ARFGEF1: variants seen among roughly 807,000 people sequenced by gnomAD.
The protein encoded by ARFGEF1 is brefeldin A-inhibited guanine nucleotide-exchange protein 1.
Under a neutral mutation model 231.0 loss-of-function variants are expected in ARFGEF1, and 42 were observed. The observed-to-expected ratio is 0.18, with a 90% CI of 0.14 to 0.24. The LOEUF (loss-of-function observed/expected upper bound fraction) is 0.24, where lower values mean the gene tolerates loss of function less well. Among genes scored for constraint, ARFGEF1 ranks in the 10% least tolerant of loss-of-function variants. The pLI is 1.00. For synonymous variants in ARFGEF1, 710 were observed against 732.3 expected, an observed-to-expected ratio of 0.97 and a Z score of 0.49; for missense variants, 1,345 against 2,192.0, an observed-to-expected ratio of 0.61 and a Z score of 7.72.
chr8:67,323,270 A>G (rs1807680270), intron 1 of ARFGEF1, among the ~76,000 whole-genome samples: 2 of 152,170 alleles, frequency 1.3e-5, no homozygotes, highest in Non-Finnish European at 2.9e-5. Flanking sequence ...CAACAACAAA[A>G]AAGCAATAAA....
intron 19 of ARFGEF1, among the ~76,000 whole-genome samples, chr8:67,246,070 G>A (rs760818396): frequency 1.0e-4 from 15 of 150,086 alleles, no homozygotes; most frequent in Non-Finnish European, 1.8e-4. Context: ...GTGTGTGTGT[G>A]TATATATATA....
At chr8:67,285,042 G>C (rs1235207967) in intron 7 of ARFGEF1, among the ~76,000 whole-genome samples, 1 of 128,612 alleles carries the variant, frequency 7.8e-6, no homozygotes, top group African/African-American at 2.9e-5. Flanking sequence ...GATGATACAG[G>C]ATTATAACAC....
At position 67,270,176 on chromosome 8, in the gene ARFGEF1, CTAGT is replaced by C. The variant is rs1366232268; in HGVS notation, c.1572+1522_1572+1525del. ...AACTATCTAAAAACGGCAACTCTTC[CTAGT>C]TAAACGCCTTGTATTATCTTAACAG... On this transcript the variant is annotated intron_variant, in intron 10 of 38. Transcript: ENST00000262215. Among the ~76,000 whole-genome samples the C allele has an allele frequency of 3.9e-5, 6 of 152,276 alleles. No individual in the cohort carries two copies. The East Asian group carries it at 1.2e-3, about 29-fold the overall frequency.
At chr8:67,182,317 CTT>C (rs112406408) in intron 5 of ARFGEF1, among the ~76,000 whole-genome samples, 23 of 146,218 alleles carry the variant, frequency 1.6e-4, no homozygotes, top group Admixed American at 9.5e-4. Context: ...CAGATTTCCC[CTT>C]TTTTTTTTTA....
At chr8:67,274,993 T>C (rs1176260229) in intron 9 of ARFGEF1, among the ~76,000 whole-genome samples, 1 of 152,142 alleles carries the variant, frequency 6.6e-6, no homozygotes, top group Non-Finnish European at 1.5e-5. Context: ...CTCCCTGAAC[T>C]GGTACAATCT....
intron 1 of ARFGEF1, among the ~76,000 whole-genome samples, chr8:67,336,142 A>T (rs1428635890): frequency 6.6e-6 from 1 of 152,260 alleles, no homozygotes; most frequent in Non-Finnish European, 1.5e-5. Flanking sequence ...TAAGCAAAAC[A>T]AAATATCAAA....
intron 2 of ARFGEF1, 47 bp from the exon 3 acceptor site, chr8:67,301,427 A>G (rs1352837078): frequency 6.5e-7 from 1 of 1,541,156 alleles, no homozygotes; most frequent in Non-Finnish European, 8.8e-7. Flanking sequence ...CATTTATAAT[A>G]TTGATAATAA....
chr8:67,286,262 G>A (rs1263718773), intron 7 of ARFGEF1, among the ~76,000 whole-genome samples: 3 of 152,150 alleles, frequency 2.0e-5, no homozygotes, highest in South Asian at 2.1e-4. Context: ...TAGCAAAATC[G>A]TTAACCACTA....
chr8:67,190,855 T>G, intron 5 of ARFGEF1: 1 of 844,022 alleles, frequency 1.2e-6, no homozygotes, highest in Non-Finnish European at 2.0e-6. Flanking sequence ...TAAAGAGCAC[T>G]TGCTTGAAAT....
intron 1 of ARFGEF1, among the ~76,000 whole-genome samples, chr8:67,311,515 G>T (rs1310950979): frequency 6.9e-6 from 1 of 144,972 alleles, no homozygotes; most frequent in Non-Finnish European, 1.5e-5. Context: ...AGGGAGGTGG[G>T]GGGGGGTCAG....
At chr8:67,316,603 G>A (rs946281656) in intron 1 of ARFGEF1, among the ~76,000 whole-genome samples, 2 of 152,070 alleles carry the variant, frequency 1.3e-5, no homozygotes, top group Admixed American at 1.3e-4. Context: ...TAGGACACAG[G>A]TATGTGCCAC....
At chr8:67,304,009 G>T (rs368214137) in intron 1 of ARFGEF1, among the ~76,000 whole-genome samples, 6 of 152,132 alleles carry the variant, frequency 3.9e-5, no homozygotes, top group African/African-American at 9.7e-5. Context: ...TGGCTAATCA[G>T]GTTTCAATAT....
chr8:67,309,176 C>T (rs996190881), intron 1 of ARFGEF1, among the ~76,000 whole-genome samples: 4 of 152,120 alleles, frequency 2.6e-5, no homozygotes, highest in Non-Finnish European at 4.4e-5. Flanking sequence ...CACAGAAAGA[C>T]ACATGATTTT....
At chr8:67,263,840 G>GT (rs1443354546) in intron 14 of ARFGEF1, among the ~76,000 whole-genome samples, 3 of 152,146 alleles carry the variant, frequency 2.0e-5, no homozygotes, top group African/African-American at 7.2e-5. Flanking sequence ...CACAGTAGAA[G>GT]TAACTAACTT....
At chr8:67,343,102 C>CGGGG in intron 1 of ARFGEF1, 62 bp downstream of exon 1, 1 of 560,606 alleles carries the variant, frequency 1.8e-6, no homozygotes, top group Non-Finnish European at 2.7e-6. Flanking sequence ...CACCCCCCCA[C>CGGGG]AGGCGCCCCC....
At chr8:67,249,388 G>C (rs1840203976) in intron 19 of ARFGEF1, among the ~76,000 whole-genome samples, 1 of 150,166 alleles carries the variant, frequency 6.7e-6, no homozygotes, top group Admixed American at 6.7e-5. Flanking sequence ...TGTTCTGTAG[G>C]TTAGGTGTAT....
chr8:67,195,388 A>AGAG, downstream of ARFGEF1: 2 of 1,613,170 alleles, frequency 1.2e-6, no homozygotes, highest in Non-Finnish European at 1.7e-6. Context: ...GTAGATGATG[A>AGAG]GAGTTCACTG....
chr8:67,338,852 T>A (rs1808467478), intron 1 of ARFGEF1, among the ~76,000 whole-genome samples: 1 of 152,184 alleles, frequency 6.6e-6, no homozygotes, highest in Non-Finnish European at 1.5e-5. Context: ...AAATTATAAT[T>A]AAGGTGTTCA....
intron 5 of ARFGEF1, among the ~76,000 whole-genome samples, chr8:67,188,470 G>A (rs567234975): frequency 1.3e-5 from 2 of 152,174 alleles, no homozygotes; most frequent in African/African-American, 2.4e-5. Context: ...ATCATATATC[G>A]CCTGAGAGCA....
Sources: allele counts gnomAD v4.1 joint callset (sites outside exome capture counted in the v4.1 genomes callset), GRCh38; gene constraint gnomAD v4.1.1; transcripts MANE v1.5; gene names NCBI Gene and HGNC (gene_info 2026-07-23, HGNC 2026-07-21).